TBK1: variants seen among roughly 807,000 people sequenced by gnomAD.
TBK1 encodes the protein TANK binding kinase 1.
TBK1 carries 37 observed loss-of-function variants against 99.9 expected under a neutral mutation model. The ratio of observed to expected loss-of-function variants is 0.37; its 90% CI spans 0.28 to 0.49. The LOEUF (loss-of-function observed/expected upper bound fraction) is 0.49, where lower values mean the gene tolerates loss of function less well. TBK1 is among the 20% of genes least tolerant of loss of function. The pLI is 0.98. For synonymous variants in TBK1, 258 were observed against 279.8 expected (o/e 0.92, Z 0.78); for missense variants, 644 against 872.5 (o/e 0.74, Z 3.30).
chr12:64,456,022 T>C, intron 2 of TBK1, 65 bp downstream of exon 2: 1 of 1,147,564 alleles, frequency 8.7e-7, no homozygotes, highest in South Asian at 1.4e-5. Context: ...AGATGCATGT[T>C]GACACTAAAG....
At chr12:64,470,711 G>GCA (rs2040654020) in intron 5 of TBK1, among the ~76,000 whole-genome samples, 1 of 152,150 alleles carries the variant, frequency 6.6e-6, no homozygotes, top group South Asian at 2.1e-4. Flanking sequence ...CACATACACT[G>GCA]CAGTATGTCC....
At chr12:64,453,464 CTTATTT>C (rs1312575263) in intron 1 of TBK1, among the ~76,000 whole-genome samples, 1 of 152,068 alleles carries the variant, frequency 6.6e-6, no homozygotes, top group African/African-American at 2.4e-5. Context: ...AAAAGGGAAT[CTTATTT>C]TTATTGCTTA....
chr12:64,474,133 A>C (rs2040689202), intron 5 of TBK1, 97 bp from the exon 6 acceptor site: 1 of 1,203,794 alleles, frequency 8.3e-7, no homozygotes, highest in African/African-American at 1.5e-5. Flanking sequence ...TATTAGGAAA[A>C]CAAAATAGAA....
intron 6 of TBK1, among the ~76,000 whole-genome samples, chr12:64,476,545 G>A (rs2040716207): frequency 6.6e-6 from 1 of 152,082 alleles, no homozygotes; most frequent in African/African-American, 2.4e-5. Flanking sequence ...ATTCGTTTAA[G>A]TTCCTTATAG....
chr12:64,457,941 A>G (rs1035251879), intron 2 of TBK1, among the ~76,000 whole-genome samples: 2 of 152,192 alleles, frequency 1.3e-5, no homozygotes, highest in African/African-American at 2.4e-5. Flanking sequence ...TCAGAAGTAT[A>G]AGAATTAATT....
intron 20 of TBK1, among the ~76,000 whole-genome samples, chr12:64,499,334 C>G (rs990510520): frequency 1.3e-4 from 20 of 151,920 alleles, no homozygotes; most frequent in Admixed American, 1.3e-3. Flanking sequence ...CATGAGCCAC[C>G]GCACCCGGCC....
chr12:64,470,871 C>CT (rs1417947784), intron 5 of TBK1, among the ~76,000 whole-genome samples: 1 of 152,198 alleles, frequency 6.6e-6, no homozygotes, highest in Non-Finnish European at 1.5e-5. Context: ...GCTTTTGCCT[C>CT]TAAGACTTTT....
At chr12:64,474,484 T>C in intron 6 of TBK1, 94 bp downstream of exon 6, 1 of 1,230,130 alleles carries the variant, frequency 8.1e-7, no homozygotes, top group Non-Finnish European at 1.1e-6. Context: ...CTAATAAAAA[T>C]TGATTTAACA....
intron 5 of TBK1, among the ~76,000 whole-genome samples, chr12:64,469,792 CT>C (rs556120101): frequency 1.6e-4 from 24 of 148,972 alleles, no homozygotes; most frequent in South Asian, 2.1e-4. Flanking sequence ...TCACCCAGTA[CT>C]TTTTTTTTTT....
chr12:64,494,314 G>GA (rs1208674971), intron 13 of TBK1, among the ~76,000 whole-genome samples: 1 of 142,270 alleles, frequency 7.0e-6, no homozygotes, highest in Admixed American at 7.1e-5. Context: ...AAAAAAAAAA[G>GA]AAAAAAAAGA....
At chr12:64,460,166 A>G (rs754154075) in intron 2 of TBK1, 23 bp from the exon 3 acceptor site, 2 of 1,417,942 alleles carry the variant, frequency 1.4e-6, no homozygotes, top group Non-Finnish European at 1.9e-6. Flanking sequence ...AATAAATAAA[A>G]CATTTCTCTC....
rs1396706988 is a variant in TBK1 at position 64,490,041 on chromosome 12, A to T, written c.1443A>T (p.Val481=). 1.2e-6 allele frequency: 2 copies of T among 1,602,294 alleles called. No individual in the cohort carries two copies. Among genetic ancestry groups the T allele is most frequent in the Admixed American group, 3.4e-5 (2 of 59,274 alleles). ...CIRNIEKTVK[V]YEKLMKINLE... Reference sequence around the variant, plus strand: ...TTTTCTCTTTTGACTTTTCATACAGATATGAAAAGTTGATGAAGATCAACC... The same window carrying T: ...TTTTCTCTTTTGACTTTTCATACAGTTATGAAAAGTTGATGAAGATCAACC... The change falls in exon 13 of 21, where the codon GTA becomes GTT. Residue 481 remains valine, a splice_region_variant and synonymous_variant. Coordinates refer to ENST00000331710, the MANE Select transcript of TBK1 (RefSeq NM_013254.4).
intron 6 of TBK1, among the ~76,000 whole-genome samples, chr12:64,474,666 C>T (rs2040694783): frequency 6.6e-6 from 1 of 152,076 alleles, no homozygotes; most frequent in African/African-American, 2.4e-5. Flanking sequence ...GACTTTATTT[C>T]AGCACACTGT....
At chr12:64,481,714 A>G (rs1311335252) in intron 7 of TBK1, 128 bp from the exon 8 acceptor site, 2 of 640,962 alleles carry the variant, frequency 3.1e-6, no homozygotes. Flanking sequence ...CAGATTTTAA[A>G]TTTTTTAAAT....
rs1868248228 is a variant in TBK1, at chr12:64,501,669, CTGAG to C, written c.*291_*294del. On this transcript the variant is annotated 3_prime_UTR_variant, in exon 21 of 21. Transcript: ENST00000331710. ...TATGTTGACATACTGATCCTCTACT[CTGAG>C]TGGGGCTAAATAAGTTATTTTCTCT... 3.7e-6 allele frequency: 1 copy of C among 273,904 alleles called. No homozygotes were observed. Among genetic ancestry groups the C allele is most frequent in the African/African-American group, 2.2e-5 (1 of 44,830 alleles). The allele number at this position is 273,904 out of a possible 1,614,324, so 17.0% of individuals were successfully genotyped here.
chr12:64,480,827 C>A (rs1283436924), intron 7 of TBK1, among the ~76,000 whole-genome samples: 1 of 152,058 alleles, frequency 6.6e-6, no homozygotes, highest in Non-Finnish European at 1.5e-5. Flanking sequence ...GTTATATAAT[C>A]CTTAATTGGA....
At chr12:64,487,537 T>C (rs2040831450) in intron 11 of TBK1, among the ~76,000 whole-genome samples, 1 of 152,200 alleles carries the variant, frequency 6.6e-6, no homozygotes, top group South Asian at 2.1e-4. Flanking sequence ...AGAAGCTTCC[T>C]TGTTTTTACT....
rs190531762 is a variant in TBK1 at position 64,458,412 on chromosome 12, A to G, written c.88-1777A>G. 5.3e-4 allele frequency among the ~76,000 whole-genome samples: 80 copies of G among 151,912 alleles called. No individual in the cohort carries two copies. The Middle Eastern group carries it at 0.01, about 20-fold the overall frequency. On this transcript the variant is annotated intron_variant, in intron 2 of 20. Transcript: ENST00000331710. The stretch of plus-strand genomic sequence containing the variant: ...TTTTATTAAATTGCTTTTAGTTACT[A>G]AAGTATGAGTGTGGGTGTGTGTATA...
chr12:64,486,749 A>G lies in TBK1; in HGVS notation c.1340+732A>G, dbSNP rs1323810012. 2.0e-5 allele frequency among the ~76,000 whole-genome samples: 3 copies of G among 152,174 alleles called. No individual in the cohort carries two copies. The East Asian group carries it at 5.8e-4, about 29-fold the overall frequency. On this transcript the variant is annotated intron_variant, in intron 11 of 20. Transcript: ENST00000331710. The stretch of plus-strand genomic sequence containing the variant: ...AACATTGAGATATAATTCATATACT[A>G]TATAACTCATGCATTTAAGCATACA...
Sources: allele counts gnomAD v4.1 joint callset (sites outside exome capture counted in the v4.1 genomes callset), GRCh38; gene constraint gnomAD v4.1.1; transcripts MANE v1.5; gene names NCBI Gene and HGNC (gene_info 2026-07-23, HGNC 2026-07-21).